The following SLC36A1 variants were observed in gnomAD, a reference collection of about 807,000 sequenced individuals.
SLC36A1 encodes the protein solute carrier family 36 member 1.
Under a neutral mutation model 47.5 loss-of-function variants are expected in SLC36A1, and 30 were observed. The ratio of observed to expected loss-of-function variants is 0.63; its 90% CI spans 0.47 to 0.86. The LOEUF is 0.86. Among genes scored for constraint, SLC36A1 ranks in the 40% least tolerant of loss-of-function variants. SLC36A1 has a pLI of 0.00. For synonymous variants in SLC36A1, 255 were observed against 249.7 expected, an observed-to-expected ratio of 1.02 and a Z score of -0.20; for missense variants, 517 against 606.0, an observed-to-expected ratio of 0.85 and a Z score of 1.54.
the SLC36A1 span, chr5:151,511,236 G>A: frequency 2.0e-5 from 3 of 152,184 alleles, no homozygotes; most frequent in African/African-American, 7.2e-5. Flanking sequence ...ACAAAAATCA[G>A]AAAAAGGGGT....
At chr5:151,549,208 T>A in the SLC36A1 span, 2 of 1,268,190 alleles carry the variant, frequency 1.6e-6, no homozygotes, top group Non-Finnish European at 2.2e-6. Context: ...TGGTACTTGA[T>A]TAATTTGCGA....
the SLC36A1 span, chr5:151,527,208 A>G: frequency 6.3e-7 from 1 of 1,580,842 alleles, no homozygotes; most frequent in Non-Finnish European, 8.6e-7. Context: ...GGAAGGGCTC[A>G]GGGTGCCTTG....
At chr5:151,533,494 C>T in the SLC36A1 span, among the ~76,000 whole-genome samples, 5 of 151,816 alleles carry the variant, frequency 3.3e-5, no homozygotes, top group South Asian at 1.0e-3. Flanking sequence ...CCCTAGAACC[C>T]CTACATCCCT....
the SLC36A1 span, among the ~76,000 whole-genome samples, chr5:151,500,572 T>C: frequency 6.6e-6 from 1 of 152,230 alleles, no homozygotes; most frequent in African/African-American, 2.4e-5. Context: ...TTCACCATGT[T>C]GGCCAGGTTG....
chr5:151,433,233 TATATATATATATATATATATATATA>T (rs1759484189), upstream of SLC36A1, among the ~76,000 whole-genome samples: 1 of 7,762 alleles, frequency 1.3e-4, no homozygotes, highest in East Asian at 3.8e-3. Flanking sequence ...TATATATATA[TATATATATATATATATATATATATA>T]TATATATATT....
chr5:151,554,317 C>G, the SLC36A1 span: 1 of 1,561,692 alleles, frequency 6.4e-7, no homozygotes, highest in African/African-American at 1.4e-5. Context: ...AGGCCACTAA[C>G]CAGCATGCCA....
At chr5:151,357,702 G>A in the SLC36A1 span, among the ~76,000 whole-genome samples, 3 of 152,166 alleles carry the variant, frequency 2.0e-5, no homozygotes, top group African/African-American at 4.8e-5. Context: ...TACAGACCAC[G>A]AAGGTTAAAA....
the SLC36A1 span, among the ~76,000 whole-genome samples, chr5:151,363,956 T>G: frequency 6.6e-6 from 1 of 152,194 alleles, no homozygotes; most frequent in Non-Finnish European, 1.5e-5. Context: ...CTCACCACAA[T>G]GGCAACAGGA....
the SLC36A1 span, among the ~76,000 whole-genome samples, chr5:151,416,187 C>T: frequency 2.0e-5 from 3 of 152,188 alleles, no homozygotes; most frequent in African/African-American, 7.2e-5. Flanking sequence ...CTGGCATCCC[C>T]TAATGCCCAG....
intron 10 of SLC36A1, among the ~76,000 whole-genome samples, chr5:151,482,202 T>C (rs908125323): frequency 4.6e-5 from 7 of 152,154 alleles, no homozygotes; most frequent in African/African-American, 1.7e-4. Context: ...CTTTGGGCCT[T>C]TCACACTTTT....
the SLC36A1 span, among the ~76,000 whole-genome samples, chr5:151,371,890 C>T: frequency 6.6e-6 from 1 of 151,960 alleles, no homozygotes; most frequent in African/African-American, 2.4e-5. Context: ...TTTATGGGAG[C>T]GGGAGACAGG....
chr5:151,534,639 T>C, the SLC36A1 span: 1 of 1,603,164 alleles, frequency 6.2e-7, no homozygotes, highest in Non-Finnish European at 8.5e-7. Flanking sequence ...TGTGGTCAGC[T>C]CCCCTGGTCG....
chr5:151,536,131 G>C, the SLC36A1 span, among the ~76,000 whole-genome samples: 1 of 152,038 alleles, frequency 6.6e-6, no homozygotes, highest in African/African-American at 2.4e-5. Context: ...GTGGAGGAAG[G>C]GGTTATCATG....
At chr5:151,468,183 C>G (rs1367718090) in intron 7 of SLC36A1, among the ~76,000 whole-genome samples, 1 of 139,580 alleles carries the variant, frequency 7.2e-6, no homozygotes, top group East Asian at 2.1e-4. Context: ...ACCTGGGAGG[C>G]GAAGGTTGCA....
the SLC36A1 span, chr5:151,549,458 G>A: frequency 6.2e-7 from 1 of 1,614,006 alleles, no homozygotes; most frequent in African/African-American, 1.3e-5. Context: ...CCACATGAAT[G>A]GTCACCCACA....
At chr5:151,543,292 G>T in the SLC36A1 span, 1 of 1,614,204 alleles carries the variant, frequency 6.2e-7, no homozygotes, top group Non-Finnish European at 8.5e-7. Context: ...ACCTTCATCT[G>T]CATCATAGGC....
chr5:151,455,415 T>A (rs1323766907), intron 1 of SLC36A1, among the ~76,000 whole-genome samples: 1 of 152,222 alleles, frequency 6.6e-6, no homozygotes, highest in African/African-American at 2.4e-5. Flanking sequence ...TTATTGGACC[T>A]TAAATCTATA....
the SLC36A1 span, among the ~76,000 whole-genome samples, chr5:151,371,358 C>T: frequency 1.3e-5 from 2 of 152,186 alleles, no homozygotes; most frequent in African/African-American, 4.8e-5. Context: ...GGAAAACAAA[C>T]ATATACATAA....
chr5:151,349,082 T>G, the SLC36A1 span, among the ~76,000 whole-genome samples: 1 of 152,170 alleles, frequency 6.6e-6, no homozygotes, highest in Non-Finnish European at 1.5e-5. Flanking sequence ...AGCCTGAGAT[T>G]CCACAATTTA....
Sources: allele counts gnomAD v4.1 joint callset (sites outside exome capture counted in the v4.1 genomes callset), GRCh38; gene constraint gnomAD v4.1.1; transcripts MANE v1.5; gene names NCBI Gene and HGNC (gene_info 2026-07-23, HGNC 2026-07-21).